ZDHHC15: variants seen among roughly 807,000 people sequenced by gnomAD.
ZDHHC15 encodes the protein palmitoyltransferase ZDHHC15.
In ZDHHC15, 19 loss-of-function variants were observed where a neutral mutation model predicts 31.7. That is an observed-to-expected ratio of 0.60 (90% confidence interval 0.42 to 0.88). The LOEUF is 0.88. Among genes scored for constraint, ZDHHC15 ranks in the 40% least tolerant of loss-of-function variants. The probability of loss-of-function intolerance (pLI) is 0.00; values close to 1 mark genes in which losing one functional copy is unlikely to be tolerated. For missense variants in ZDHHC15, 209 were observed against 251.2 expected (o/e 0.83, Z 1.14); for synonymous variants, 103 against 90.0 (o/e 1.14, Z -0.82).
intron 10 of ZDHHC15, among the ~76,000 whole-genome samples, chrX:75,383,624 T>A (rs1314028997): frequency 6.3e-5 from 7 of 111,317 alleles, no homozygotes; most frequent in African/African-American, 2.0e-4. Context: ...TAGCACAAAC[T>A]TTATAGTTCT....
chrX:75,510,395 G>A (rs1310869740), intron 1 of ZDHHC15, among the ~76,000 whole-genome samples: 1 of 108,619 alleles, frequency 9.2e-6, no homozygotes. Context: ...TGTTTTAGAT[G>A]TGGTAATACC....
chrX:75,400,710 G>T (rs1353174911), intron 10 of ZDHHC15, among the ~76,000 whole-genome samples: 1 of 111,383 alleles, frequency 9.0e-6, no homozygotes, highest in Admixed American at 9.5e-5. Flanking sequence ...ATGAAAGAAA[G>T]AATGTTAAAG....
At chrX:75,484,404 G>T (rs764048462) in intron 2 of ZDHHC15, among the ~76,000 whole-genome samples, 3 of 112,046 alleles carry the variant, frequency 2.7e-5, no homozygotes, top group East Asian at 5.6e-4. Flanking sequence ...AGACTAAACA[G>T]ACACTTCGCA....
intron 1 of ZDHHC15, among the ~76,000 whole-genome samples, chrX:75,510,507 A>C (rs1313272145): frequency 8.8e-5 from 5 of 56,835 alleles, no homozygotes; most frequent in Non-Finnish European, 1.7e-4. Context: ...TGATCAGTTT[A>C]TATTTCTTCT....
At chrX:75,490,712 T>C (rs1197339644) in intron 2 of ZDHHC15, among the ~76,000 whole-genome samples, 1 of 111,490 alleles carries the variant, frequency 9.0e-6, no homozygotes, top group Non-Finnish European at 1.9e-5. Context: ...TTCACGTCCG[T>C]TGTAAGTTGG....
Position 75,391,699 on chromosome X carries a change from A to G in ZDHHC15, c.968-12501T>C, listed in dbSNP as rs757236152. Among the ~76,000 whole-genome samples, 3 of 112,523 alleles carry G rather than the reference A, an allele frequency of 2.7e-5. No homozygotes were observed. In the East Asian group the frequency reaches 8.3e-4, roughly 31 times the overall value. On this transcript the variant is annotated intron_variant, in intron 10 of 11. Transcript: ENST00000373367. ...GAAGCATCAACAGCAGAAGTGTTCTATAAGAAATGCTAAAAGGAGTTCTTT... is the reference window on the plus strand; with the variant it reads ...GAAGCATCAACAGCAGAAGTGTTCTGTAAGAAATGCTAAAAGGAGTTCTTT...
intron 2 of ZDHHC15, among the ~76,000 whole-genome samples, chrX:75,503,747 G>A (rs1273716607): frequency 9.0e-6 from 1 of 111,452 alleles, no homozygotes; most frequent in African/African-American, 3.3e-5. Context: ...TAGGGCTGTG[G>A]TAATAAATGA....
chrX:75,429,306 T>C, intron 6 of ZDHHC15, 108 bp from the exon 7 acceptor site: 2 of 975,274 alleles, frequency 2.1e-6, no homozygotes, highest in South Asian at 2.6e-5. Context: ...TGCTTCATTA[T>C]GTGTCGTGTA....
intron 4 of ZDHHC15, among the ~76,000 whole-genome samples, chrX:75,441,785 G>A (rs796943214): frequency 1.8e-5 from 2 of 109,694 alleles, no homozygotes; most frequent in East Asian, 2.9e-4. Flanking sequence ...CACTGCGCAC[G>A]GCTAATTTTT....
chrX:75,422,012 G>C (rs201243258), intron 8 of ZDHHC15, 22 bp from the exon 9 acceptor site: 370 of 1,184,611 alleles, frequency 3.1e-4, no homozygotes, highest in Non-Finnish European at 3.9e-4. Context: ...CAGGAGAGTT[G>C]AAGAAAAGAG....
At chrX:75,398,553 G>T (rs2083321903) in intron 10 of ZDHHC15, among the ~76,000 whole-genome samples, 1 of 112,645 alleles carries the variant, frequency 8.9e-6, no homozygotes, top group South Asian at 3.7e-4. Flanking sequence ...GGTGACCAGG[G>T]TCTGAAGTGG....
At chrX:75,494,140 C>T (rs2084948530) in intron 2 of ZDHHC15, among the ~76,000 whole-genome samples, 1 of 111,072 alleles carries the variant, frequency 9.0e-6, no homozygotes, top group African/African-American at 3.3e-5. Flanking sequence ...ACACCAATAA[C>T]AGACAAACAG....
At chrX:75,482,535 C>G (rs749644174) in intron 2 of ZDHHC15, among the ~76,000 whole-genome samples, 1 of 111,715 alleles carries the variant, frequency 9.0e-6, no homozygotes, top group East Asian at 2.8e-4. Flanking sequence ...GCATCTACTA[C>G]TCATCAATTT....
At chrX:75,489,188 C>T (rs1340031036) in intron 2 of ZDHHC15, among the ~76,000 whole-genome samples, 1 of 112,033 alleles carries the variant, frequency 8.9e-6, no homozygotes, top group African/African-American at 3.2e-5. Context: ...AAACAAAAGG[C>T]AGCAGAATCC....
chrX:75,396,642 T>C (rs2083301777), intron 10 of ZDHHC15, among the ~76,000 whole-genome samples: 1 of 111,830 alleles, frequency 8.9e-6, no homozygotes, highest in Non-Finnish European at 1.9e-5. Context: ...CTCCTAGTTA[T>C]ATACTGAAGA....
At chrX:75,496,664 A>T (rs1043161321) in intron 2 of ZDHHC15, among the ~76,000 whole-genome samples, 3 of 111,913 alleles carry the variant, frequency 2.7e-5, no homozygotes, top group Non-Finnish European at 5.6e-5. Context: ...ACTCTCACAG[A>T]CAACAGTGGA....
intron 3 of ZDHHC15, among the ~76,000 whole-genome samples, chrX:75,458,293 G>A (rs757825070): frequency 1.9e-4 from 21 of 111,604 alleles, no homozygotes; most frequent in South Asian, 3.8e-4. Context: ...AGAAGTTAGC[G>A]TAGTAGTTAC....
At chrX:75,515,106 C>A (rs2085335275) in intron 1 of ZDHHC15, among the ~76,000 whole-genome samples, 1 of 110,867 alleles carries the variant, frequency 9.0e-6, no homozygotes, top group Non-Finnish European at 1.9e-5. Context: ...CAAAAAAAGT[C>A]CAGGACCAGA....
chrX:75,498,276 A>G (rs1243839541), intron 2 of ZDHHC15, among the ~76,000 whole-genome samples: 1 of 110,773 alleles, frequency 9.0e-6, no homozygotes, highest in Non-Finnish European at 1.9e-5. Flanking sequence ...CAGAAGTCCT[A>G]GCCAGAGCGA....
Sources: gnomAD v4.1 joint callset for allele counts (sites outside exome capture counted in the v4.1 genomes callset) on GRCh38, gnomAD v4.1.1 for gene constraint, MANE v1.5 for transcripts, NCBI Gene and HGNC (gene_info 2026-07-23, HGNC 2026-07-21) for gene names.